Variants in CHRM5 observed in about 807,000 individuals in gnomAD.
CHRM5 encodes cholinergic receptor muscarinic 5, also known as muscarinic acetylcholine receptor M5.
CHRM5 carries 18 observed loss-of-function variants against 39.0 expected under a neutral mutation model. The ratio of observed to expected loss-of-function variants is 0.46; its 90% confidence interval spans 0.32 to 0.68. The LOEUF (loss-of-function observed/expected upper bound fraction) is 0.68, where lower values mean the gene tolerates loss of function less well. Among genes scored for constraint, CHRM5 ranks in the 30% least tolerant of loss-of-function variants. CHRM5 has a pLI of 0.04. For synonymous variants in CHRM5, 241 were observed against 246.3 expected, an observed-to-expected ratio of 0.98 and a Z score of 0.20; for missense variants, 515 against 651.1, an observed-to-expected ratio of 0.79 and a Z score of 2.28.
At chr15:34,059,342 T>A (rs1900261480) in intron 2 of CHRM5, among the ~76,000 whole-genome samples, 1 of 152,190 alleles carries the variant, frequency 6.6e-6, no homozygotes, top group African/African-American at 2.4e-5. Flanking sequence ...AAAAATTAAA[T>A]CCTTCCAAAA....
At chr15:34,033,936 C>T (rs970912118) in intron 1 of CHRM5, among the ~76,000 whole-genome samples, 8 of 152,066 alleles carry the variant, frequency 5.3e-5, no homozygotes, top group African/African-American at 1.4e-4. Context: ...TACAGGTGCG[C>T]GCCACCATGC....
At chr15:33,992,375 T>C (rs1170671999) in intron 1 of CHRM5, among the ~76,000 whole-genome samples, 2 of 149,894 alleles carry the variant, frequency 1.3e-5, no homozygotes, top group Non-Finnish European at 2.9e-5. Flanking sequence ...GCGCGACAGA[T>C]CAGGACTCCG....
chr15:34,025,596 T>C (rs1226228579), intron 1 of CHRM5, among the ~76,000 whole-genome samples: 1 of 152,226 alleles, frequency 6.6e-6, no homozygotes, highest in Non-Finnish European at 1.5e-5. Context: ...GCAATGTTAA[T>C]GTCCTGATTT....
chr15:34,058,773 A>G (rs192379045), intron 2 of CHRM5, among the ~76,000 whole-genome samples: 1 of 152,354 alleles, frequency 6.6e-6, no homozygotes, highest in East Asian at 1.9e-4. Flanking sequence ...GCCTGATTCT[A>G]GAATCACAAA....
At chr15:33,985,373 GT>G (rs1896381964) in intron 1 of CHRM5, among the ~76,000 whole-genome samples, 1 of 150,746 alleles carries the variant, frequency 6.6e-6, no homozygotes. Flanking sequence ...ACTGAGCTGA[GT>G]GTTCCTTTGT....
chr15:33,990,447 TGA>T (rs1896673531), intron 1 of CHRM5, among the ~76,000 whole-genome samples: 1 of 152,120 alleles, frequency 6.6e-6, no homozygotes, highest in Admixed American at 6.6e-5. Context: ...GTTGTCTAAC[TGA>T]AGAGTAACTG....
At chr15:33,983,551 G>A (rs1896284975) in intron 1 of CHRM5, among the ~76,000 whole-genome samples, 1 of 152,074 alleles carries the variant, frequency 6.6e-6, no homozygotes, top group Non-Finnish European at 1.5e-5. Flanking sequence ...TGGCTTCAGA[G>A]AGAACTAGTT....
At chr15:33,998,365 T>C (rs570512151) in intron 1 of CHRM5, among the ~76,000 whole-genome samples, 5 of 152,072 alleles carry the variant, frequency 3.3e-5, no homozygotes, top group Non-Finnish European at 5.9e-5. Context: ...GTGGCTGACA[T>C]CAGTAATCCC....
intron 1 of CHRM5, among the ~76,000 whole-genome samples, chr15:34,024,689 A>T (rs1230638458): frequency 3.7e-5 from 4 of 107,264 alleles, no homozygotes; most frequent in African/African-American, 1.6e-4. Flanking sequence ...CGTCTCTACT[A>T]AAAAAAAAAA....
chr15:33,979,342 C>A lies in CHRM5; in HGVS notation c.-408+10192C>A, dbSNP rs572025016. Among the ~76,000 whole-genome samples the A allele has an allele frequency of 1.5e-4, 23 of 152,076 alleles. No individual in the cohort carries two copies. In the South Asian group the frequency reaches 3.9e-3, roughly 26 times the overall value. ...TTTGAGATCAGCCTGGGCAATATGG[C>A]AAAACCATATACAAAAATTAGCCGG... On this transcript the variant is annotated intron_variant, in intron 1 of 2. Transcript: ENST00000383263.
intron 1 of CHRM5, among the ~76,000 whole-genome samples, chr15:33,969,749 A>G (rs2140491799): frequency 6.6e-6 from 1 of 152,208 alleles, no homozygotes; most frequent in East Asian, 1.9e-4. Flanking sequence ...CTAAATGAAG[A>G]CATTTTTCTG....
At position 33,998,205 on chromosome 15, in the gene CHRM5, C is replaced by G. The variant is rs75515981; in HGVS notation, c.-408+29055C>G. On this transcript the variant is annotated intron_variant, in intron 1 of 2. Coordinates refer to ENST00000383263, the MANE Select transcript of CHRM5 (RefSeq NM_012125.4). The stretch of plus-strand genomic sequence containing the variant: ...CCATCCCTCCACCTGCACAATAGAT[C>G]CTATCAAGCTCATATCTACTAAAGA... Among the ~76,000 whole-genome samples, 962 of 152,298 alleles carry G rather than the reference C, an allele frequency of 6.3e-3. 4 individuals are homozygous for G. The highest frequency in any genetic ancestry group is 9.6e-3 in the Non-Finnish European group (655 of 68,022).
At chr15:33,996,964 A>G (rs1014560650) in intron 1 of CHRM5, among the ~76,000 whole-genome samples, 16 of 152,248 alleles carry the variant, frequency 1.1e-4, no homozygotes, top group African/African-American at 3.9e-4. Context: ...GCTTGAAAAA[A>G]GATTAGATGA....
At chr15:33,975,747 T>C (rs1328219993) in intron 1 of CHRM5, among the ~76,000 whole-genome samples, 1 of 152,106 alleles carries the variant, frequency 6.6e-6, no homozygotes, top group East Asian at 1.9e-4. Context: ...CTGACCAACA[T>C]GGTGAAATCC....
chr15:34,013,528 A>G (rs1897728996), intron 1 of CHRM5, among the ~76,000 whole-genome samples: 1 of 152,200 alleles, frequency 6.6e-6, no homozygotes, highest in South Asian at 2.1e-4. Flanking sequence ...CTAAATTGCC[A>G]ATATTCATTT....
rs1900436473 is a variant in CHRM5 at position 34,063,898 on chromosome 15, A to G, written c.1181A>G (p.Asn394Ser). The change falls in exon 3 of 3, where the codon AAC (asparagine) becomes AGC (serine). Residue 394 changes from asparagine to serine, a missense_variant. Asn to Ser is a conservative substitution (Grantham distance 46). Coordinates refer to ENST00000383263, the MANE Select transcript of CHRM5 (RefSeq NM_012125.4). The surrounding 1 kb of genome is among the most constrained non-coding windows in gnomAD (Gnocchi z 4.1). Reference sequence around the variant, plus strand: ...AAAGCTGACGGGAACCAGGAGACCAACAATGGCTGTCACAAGGTGAAAATC... The same window carrying G: ...AAAGCTGACGGGAACCAGGAGACCAGCAATGGCTGTCACAAGGTGAAAATC... ...VVKADGNQET[N>S]NGCHKVKIMP... The G allele has an allele frequency of 6.2e-7, 1 of 1,614,234 alleles. No homozygotes were observed. Among genetic ancestry groups the G allele is most frequent in the Non-Finnish European group, 8.5e-7 (1 of 1,180,038 alleles).
At chr15:34,039,098 C>G in intron 1 of CHRM5, 1 of 1,066,742 alleles carries the variant, frequency 9.4e-7, no homozygotes, top group South Asian at 4.4e-5. Flanking sequence ...GCGGCGGAGA[C>G]GCCCTGGCCC....
Position 34,062,671 on chromosome 15 carries a change from A to C in CHRM5, c.-47A>C. 2.6e-6 allele frequency: 4 copies of C among 1,539,634 alleles called. No individual in the cohort carries two copies. Among genetic ancestry groups the C allele is most frequent in the Non-Finnish European group, 2.6e-6 (3 of 1,141,204 alleles). On this transcript the variant is annotated 5_prime_UTR_variant, in exon 3 of 3. Coordinates refer to ENST00000383263, the MANE Select transcript of CHRM5 (RefSeq NM_012125.4). ...CTGGCCAAGAAGAGCTGAAATAGAA[A>C]ACAGCCTAGAACCTAACACTATTTA...
intron 1 of CHRM5, among the ~76,000 whole-genome samples, chr15:34,024,217 A>C (rs917974268): frequency 6.6e-6 from 1 of 152,234 alleles, no homozygotes; most frequent in African/African-American, 2.4e-5. Flanking sequence ...GCATTCCACC[A>C]GAGGAGTCAA....
Sources: gnomAD v4.1 joint callset for allele counts (sites outside exome capture counted in the v4.1 genomes callset) on GRCh38, gnomAD v4.1.1 for gene constraint, Gnocchi (gnomAD v3.1) non-coding constraint, MANE v1.5 for transcripts, NCBI Gene and HGNC (gene_info 2026-07-23, HGNC 2026-07-21) for gene names.